The following ANKRD55 variants were observed in gnomAD, a reference collection of about 807,000 sequenced individuals.
The protein encoded by ANKRD55 is ankyrin repeat domain-containing protein 55.
A neutral mutation model predicts 60.6 loss-of-function variants in ANKRD55; 41 were observed. The observed-to-expected ratio is 0.68, with a 90% CI of 0.53 to 0.88. ANKRD55 has a LOEUF of 0.88. Ranked by LOEUF, ANKRD55 falls within the 40% of genes least tolerant of loss-of-function variation. The probability of loss-of-function intolerance (pLI) is 0.00; values close to 1 mark genes in which losing one functional copy is unlikely to be tolerated. For synonymous variants in ANKRD55, 264 were observed against 290.3 expected (o/e 0.91, Z 0.92); for missense variants, 732 against 767.6 (o/e 0.95, Z 0.55).
intron 8 of ANKRD55, among the ~76,000 whole-genome samples, chr5:56,124,505 T>C (rs1184062500): frequency 6.6e-6 from 1 of 152,114 alleles, no homozygotes; most frequent in Non-Finnish European, 1.5e-5. Flanking sequence ...TATTTATTTT[T>C]GTTTTTTTTA....
At chr5:56,100,929 A>G (rs1756253067) in intron 11 of ANKRD55, among the ~76,000 whole-genome samples, 1 of 152,178 alleles carries the variant, frequency 6.6e-6, no homozygotes, top group African/African-American at 2.4e-5. Context: ...TCGGGCTTGA[A>G]TTTCATTCAA....
intron 3 of ANKRD55, among the ~76,000 whole-genome samples, chr5:56,181,736 T>C (rs7705889): frequency 0.031 from 4,776 of 152,206 alleles, 269 homozygotes; most frequent in African/African-American, 0.11. Flanking sequence ...ATTACAGGCT[T>C]ATGCCACCGT....
At chr5:56,205,620 A>G (rs1049822249) in intron 2 of ANKRD55, among the ~76,000 whole-genome samples, 10 of 152,176 alleles carry the variant, frequency 6.6e-5, no homozygotes, top group Admixed American at 3.9e-4. Flanking sequence ...ATGTCTAGCT[A>G]GCATCTGTGG....
intron 2 of ANKRD55, among the ~76,000 whole-genome samples, chr5:56,212,782 G>T (rs1759708567): frequency 6.6e-6 from 1 of 152,206 alleles, no homozygotes; most frequent in African/African-American, 2.4e-5. Flanking sequence ...GACCATCAGG[G>T]TTTGAATGAT....
At chr5:56,195,597 C>T (rs1436011380) in intron 2 of ANKRD55, among the ~76,000 whole-genome samples, 2 of 152,150 alleles carry the variant, frequency 1.3e-5, no homozygotes, top group Non-Finnish European at 2.9e-5. Flanking sequence ...GCGTGTGCCA[C>T]CATGCCCAGC....
intron 2 of ANKRD55, among the ~76,000 whole-genome samples, chr5:56,209,073 T>A (rs1424088616): frequency 6.6e-6 from 1 of 152,134 alleles, no homozygotes; most frequent in Non-Finnish European, 1.5e-5. Context: ...TTCTCCTGCC[T>A]TAGCCTCCTG....
At chr5:56,106,726 C>A (rs1408339340) in intron 10 of ANKRD55, among the ~76,000 whole-genome samples, 1 of 152,038 alleles carries the variant, frequency 6.6e-6, no homozygotes, top group Non-Finnish European at 1.5e-5. Context: ...GCCACCACAC[C>A]CAGCCTTAGT....
At chr5:56,135,535 A>G (rs1046791094) in intron 7 of ANKRD55, among the ~76,000 whole-genome samples, 5 of 151,716 alleles carry the variant, frequency 3.3e-5, no homozygotes, top group Non-Finnish European at 7.4e-5. Context: ...ACACCCTGCT[A>G]GTTTTTGTAT....
chr5:56,111,844 C>A (rs1263595999), intron 9 of ANKRD55, 62 bp from the exon 10 acceptor site: 3 of 1,373,052 alleles, frequency 2.2e-6, no homozygotes, highest in African/African-American at 2.9e-5. Flanking sequence ...CATCACTCAC[C>A]GAAATACCGA....
chr5:56,183,536 T>G lies in ANKRD55; in HGVS notation c.157A>C (p.Ile53Leu), dbSNP rs367769187. ...CCTTCACTGTCACAGCATTCTAGGA[T>G]AGAAGGGTCTTCCCGAATCACTGCA... ...LTAVIREDPS[I>L]LECCDSEGCT... The change falls in exon 3 of 12, where the codon ATC becomes CTC. Residue 53 changes from isoleucine (I) to leucine (L), a missense_variant. By Grantham distance (5) the Ile-to-Leu change is conservative. Coordinates refer to ENST00000341048, the MANE Select transcript of ANKRD55 (RefSeq NM_024669.3). The G allele has an allele frequency of 3.2e-5, 51 of 1,614,072 alleles. No homozygotes were observed. In the African/African-American group the frequency reaches 5.1e-4, roughly 16 times the overall value.
chr5:56,144,664 T>C (rs999726149), intron 6 of ANKRD55, among the ~76,000 whole-genome samples: 1 of 152,238 alleles, frequency 6.6e-6, no homozygotes, highest in African/African-American at 2.4e-5. Flanking sequence ...GGTACTGGCA[T>C]GATCAGATGT....
intron 10 of ANKRD55, among the ~76,000 whole-genome samples, chr5:56,104,324 C>T (rs56329069): frequency 1.5e-3 from 234 of 152,238 alleles, no homozygotes; most frequent in African/African-American, 5.1e-3. Context: ...TCAAGTCACA[C>T]GCTAGGAAGG....
intron 9 of ANKRD55, among the ~76,000 whole-genome samples, chr5:56,116,258 C>T (rs73126467): frequency 0.21 from 31,665 of 151,714 alleles, 5,318 homozygotes; most frequent in African/African-American, 0.46. Context: ...AAAAGGGTCC[C>T]GAGAACGAAA....
intron 10 of ANKRD55, among the ~76,000 whole-genome samples, chr5:56,106,056 AG>A (rs1756455676): frequency 6.6e-6 from 1 of 152,190 alleles, no homozygotes; most frequent in Non-Finnish European, 1.5e-5. Flanking sequence ...AACCTCTGAC[AG>A]GTCTCAATAA....
chr5:56,174,904 C>T (rs1252144010), intron 4 of ANKRD55, among the ~76,000 whole-genome samples: 2 of 152,000 alleles, frequency 1.3e-5, no homozygotes, highest in Admixed American at 6.5e-5. Context: ...CCAACTACCC[C>T]AGTCCTGCTC....
chr5:56,181,077 G>T (rs1388216438), intron 3 of ANKRD55, among the ~76,000 whole-genome samples: 1 of 152,144 alleles, frequency 6.6e-6, no homozygotes, highest in Non-Finnish European at 1.5e-5. Context: ...GTGAGCACCT[G>T]TAATCCCAGT....
chr5:56,151,463 G>C (rs993834836), intron 6 of ANKRD55, among the ~76,000 whole-genome samples: 4 of 152,084 alleles, frequency 2.6e-5, no homozygotes, highest in Non-Finnish European at 5.9e-5. Flanking sequence ...AAAATAACAT[G>C]ACTTTTTCTT....
intron 3 of ANKRD55, among the ~76,000 whole-genome samples, chr5:56,180,307 G>A (rs976654752): frequency 1.3e-5 from 2 of 152,180 alleles, no homozygotes; most frequent in Non-Finnish European, 2.9e-5. Context: ...GAACACATTC[G>A]AACTATAGCA....
At chr5:56,115,519 A>G (rs1238482243) in intron 9 of ANKRD55, among the ~76,000 whole-genome samples, 1 of 151,696 alleles carries the variant, frequency 6.6e-6, no homozygotes, top group Non-Finnish European at 1.5e-5. Context: ...GGGTTTTACC[A>G]TGTTGGCCAG....
Sources: gnomAD v4.1 joint callset for allele counts (sites outside exome capture counted in the v4.1 genomes callset) on GRCh38, gnomAD v4.1.1 for gene constraint, MANE v1.5 for transcripts, NCBI Gene and HGNC (gene_info 2026-07-23, HGNC 2026-07-21) for gene names.